Variants in FTO observed in about 807,000 individuals in gnomAD.
FTO encodes the protein FTO alpha-ketoglutarate dependent dioxygenase.
FTO carries 47 observed loss-of-function variants against 63.9 expected under a neutral mutation model. That is an observed-to-expected ratio of 0.74 (90% CI 0.58 to 0.94). The LOEUF (loss-of-function observed/expected upper bound fraction) is 0.94. Among genes scored for constraint, FTO ranks in the 40% least tolerant of loss-of-function variants. The probability of loss-of-function intolerance (pLI) is 0.00; values close to 1 mark genes in which losing one functional copy is unlikely to be tolerated. For synonymous variants in FTO, 207 were observed against 224.4 expected (o/e 0.92, Z 0.69); for missense variants, 562 against 618.1 (o/e 0.91, Z 0.96).
At chr16:53,840,398 A>G (rs1783559123) in intron 3 of FTO, among the ~76,000 whole-genome samples, 1 of 152,206 alleles carries the variant, frequency 6.6e-6, no homozygotes, top group Admixed American at 6.5e-5. Context: ...ATTATTAGGT[A>G]TTAGTCACAT....
chr16:53,911,201 A>G, intron 7 of FTO: 1 of 582,716 alleles, frequency 1.7e-6, no homozygotes, highest in South Asian at 2.2e-5. Context: ...AGCACATGGC[A>G]GGCATCTCCA....
chr16:53,891,959 G>A (rs1017524097), intron 7 of FTO, among the ~76,000 whole-genome samples: 4 of 152,182 alleles, frequency 2.6e-5, no homozygotes, highest in Admixed American at 6.5e-5. Flanking sequence ...TCTCCTCAGC[G>A]TGTCTTGGGA....
chr16:54,015,264 T>C lies in FTO; in HGVS notation c.1364+81155T>C, dbSNP rs142474934. 6.8e-3 allele frequency among the ~76,000 whole-genome samples: 1,040 copies of C among 152,304 alleles called. 16 individuals are homozygous for C. Among genetic ancestry groups the C allele is most frequent in the African/African-American group, 0.023 (954 of 41,568 alleles). ...TATGTATTACAAAAACAATTGTGTT[T>C]CATGTAAAGTATTAAACATCAACAT... On this transcript the variant is annotated intron_variant, in intron 8 of 8. Transcript: ENST00000471389.
At chr16:54,051,213 G>A (rs2085305243) in intron 8 of FTO, among the ~76,000 whole-genome samples, 2 of 152,082 alleles carry the variant, frequency 1.3e-5, no homozygotes, top group South Asian at 4.1e-4. Flanking sequence ...CATGATGAAG[G>A]CCAGAAGAAG....
Position 53,940,111 on chromosome 16 carries a change from A to G in FTO, c.1364+6002A>G, listed in dbSNP as rs531033494. 5.9e-5 allele frequency among the ~76,000 whole-genome samples: 9 copies of G among 152,258 alleles called. No individual in the cohort carries two copies. In the East Asian group the frequency reaches 1.7e-3, roughly 29 times the overall value. On this transcript the variant is annotated intron_variant, in intron 8 of 8. Transcript: ENST00000471389. ...GTTACACCATCTTATGTTCCCACCAAGAACGCACAAAGTTTCCCATTTTTC... is the reference window on the plus strand; with the variant it reads ...GTTACACCATCTTATGTTCCCACCAGGAACGCACAAAGTTTCCCATTTTTC...
chr16:53,847,667 C>G (rs1334035085), intron 4 of FTO, among the ~76,000 whole-genome samples: 3 of 151,642 alleles, frequency 2.0e-5, no homozygotes, highest in African/African-American at 4.8e-5. Context: ...ACTCTGGAAG[C>G]TGAGGCAGGA....
chr16:53,970,760 T>C (rs556363072), intron 8 of FTO, among the ~76,000 whole-genome samples: 104 of 152,240 alleles, frequency 6.8e-4, no homozygotes, highest in African/African-American at 2.2e-3. Context: ...GATTTTTCGG[T>C]GAAAGCCGCC....
In FTO at chr16:53,960,715, GGT is replaced by G. The variant is rs200201078; in HGVS notation, c.1364+26608_1364+26609del. Reference sequence around the variant, plus strand: ...AATGGGTTCAATTACCAGAAATGGGGGTGGGGGGGGCGCGGTTACCTGAGATA... The same window carrying G: ...AATGGGTTCAATTACCAGAAATGGGGGGGGGGGGCGCGGTTACCTGAGATA... On this transcript the variant is annotated intron_variant, in intron 8 of 8. Coordinates refer to ENST00000471389, the MANE Select transcript of FTO (RefSeq NM_001080432.3). Among the ~76,000 whole-genome samples, 74 of 151,796 alleles carry G rather than the reference GGT, an allele frequency of 4.9e-4. 1 individual carries two copies. The highest frequency in any genetic ancestry group is 1.7e-3 in the African/African-American group (70 of 41,216).
chr16:53,840,069 C>A (rs904118816), intron 3 of FTO, among the ~76,000 whole-genome samples: 4 of 152,074 alleles, frequency 2.6e-5, no homozygotes, highest in Admixed American at 6.5e-5. Context: ...TCCCAATGTG[C>A]TGGGATTACA....
At chr16:54,065,260 C>G (rs1199892167) in intron 8 of FTO, among the ~76,000 whole-genome samples, 1 of 151,836 alleles carries the variant, frequency 6.6e-6, no homozygotes, top group Non-Finnish European at 1.5e-5. Flanking sequence ...TAGGCTTGAG[C>G]CTTCTTCTGC....
intron 8 of FTO, among the ~76,000 whole-genome samples, chr16:54,108,150 A>G (rs1599379912): frequency 2.0e-5 from 3 of 152,300 alleles, no homozygotes; most frequent in African/African-American, 4.8e-5. Context: ...ACAAATTTCC[A>G]TCACAGTCAG....
At chr16:53,777,007 G>T (rs1377035150) in intron 1 of FTO, among the ~76,000 whole-genome samples, 1 of 152,056 alleles carries the variant, frequency 6.6e-6, no homozygotes, top group East Asian at 1.9e-4. Flanking sequence ...ACACATTGTG[G>T]CATGATTAAA....
At chr16:54,105,136 T>C (rs2086721941) in intron 8 of FTO, among the ~76,000 whole-genome samples, 1 of 152,170 alleles carries the variant, frequency 6.6e-6, no homozygotes, top group South Asian at 2.1e-4. Flanking sequence ...AGGGAATATA[T>C]TAATAATTAG....
intron 7 of FTO, among the ~76,000 whole-genome samples, chr16:53,920,315 A>AAGGC (rs10678269): frequency 0.26 from 39,258 of 151,858 alleles, 6,788 homozygotes; most frequent in African/African-American, 0.5. Flanking sequence ...CTTGGTCGCT[A>AAGGC]AGTTGGCCTT....
intron 1 of FTO, among the ~76,000 whole-genome samples, chr16:53,707,583 C>A (rs961755715): frequency 6.6e-6 from 1 of 152,152 alleles, no homozygotes; most frequent in Non-Finnish European, 1.5e-5. Context: ...GAGAGTTCTA[C>A]TTGTTTCATA....
At chr16:53,855,428 G>A (rs2079957586) in intron 4 of FTO, among the ~76,000 whole-genome samples, 1 of 151,858 alleles carries the variant, frequency 6.6e-6, no homozygotes, top group Non-Finnish European at 1.5e-5. Flanking sequence ...ATTCTTCCAG[G>A]CAAGGACTGT....
intron 1 of FTO, among the ~76,000 whole-genome samples, chr16:53,747,624 C>G (rs1367457951): frequency 6.6e-6 from 1 of 152,140 alleles, no homozygotes; most frequent in Admixed American, 6.5e-5. Flanking sequence ...GTTGTCTCTT[C>G]ACTTTTTTAA....
intron 1 of FTO, among the ~76,000 whole-genome samples, chr16:53,792,608 T>G (rs1325908550): frequency 3.9e-5 from 6 of 152,172 alleles, no homozygotes; most frequent in Admixed American, 2.6e-4. Context: ...TTATTTACAG[T>G]TGGATGCTTG....
chr16:53,795,587 G>T (rs2078042232), intron 1 of FTO, among the ~76,000 whole-genome samples: 1 of 152,052 alleles, frequency 6.6e-6, no homozygotes, highest in Non-Finnish European at 1.5e-5. Flanking sequence ...GGGATTACAG[G>T]CATGAGCCTC....
Sources: allele counts gnomAD v4.1 joint callset (sites outside exome capture counted in the v4.1 genomes callset), GRCh38; gene constraint gnomAD v4.1.1; transcripts MANE v1.5; gene names NCBI Gene and HGNC (gene_info 2026-07-23, HGNC 2026-07-21).